Variants in TMEM74 observed in about 807,000 individuals in gnomAD.
TMEM74 encodes transmembrane protein 74.
Under a neutral mutation model 18.1 loss-of-function variants are expected in TMEM74, and 13 were observed. That is an observed-to-expected ratio of 0.72 (90% confidence interval 0.47 to 1.14). The LOEUF (loss-of-function observed/expected upper bound fraction) is 1.14, where lower values mean the gene tolerates loss of function less well. Among genes scored for constraint, TMEM74 ranks in the 50% most tolerant of loss-of-function variants. The probability of loss-of-function intolerance (pLI) is 0.00; values close to 1 mark genes in which losing one functional copy is unlikely to be tolerated. For missense variants in TMEM74, 372 were observed against 375.9 expected (o/e 0.99, Z 0.09); for synonymous variants, 159 against 146.6 (o/e 1.08, Z -0.61).
At chr8:108,690,954 A>C (rs986323736) in intron 1 of TMEM74, among the ~76,000 whole-genome samples, 2 of 152,224 alleles carry the variant, frequency 1.3e-5, no homozygotes, top group African/African-American at 4.8e-5. Flanking sequence ...AGTTAATGAG[A>C]GGATAGAGAA....
Position 108,645,415 on chromosome 8 carries a change from G to A in TMEM74, n.264+9878C>T, listed in dbSNP as rs77960038. On this transcript the variant is annotated intron_variant and non_coding_transcript_variant, in intron 2 of 3. Transcript: ENST00000518838. Reference sequence around the variant, plus strand: ...TTTGGATACTATGCTCAGTGCCTGGGTGATGGGATCAGTCACACCCTAAAC... The same window carrying A: ...TTTGGATACTATGCTCAGTGCCTGGATGATGGGATCAGTCACACCCTAAAC... Among the ~76,000 whole-genome samples the A allele has an allele frequency of 6.0e-3, 918 of 152,226 alleles. 7 individuals are homozygous for A. Among genetic ancestry groups the A allele is most frequent in the African/African-American group, 0.021 (867 of 41,548 alleles).
intron 1 of TMEM74, among the ~76,000 whole-genome samples, chr8:108,723,523 T>TCC (rs1813605796): frequency 6.6e-6 from 1 of 152,136 alleles, no homozygotes; most frequent in Non-Finnish European, 1.5e-5. Context: ...TTTGAGTCTT[T>TCC]CAAACCATAA....
chr8:108,663,034 AT>A (rs1348713450), intron 1 of TMEM74, among the ~76,000 whole-genome samples: 3 of 152,090 alleles, frequency 2.0e-5, no homozygotes, highest in African/African-American at 7.2e-5. Flanking sequence ...TTCCATATGA[AT>A]TTTAAAATAG....
chr8:108,718,984 G>GTA lies in TMEM74; in HGVS notation n.120-63549_120-63548dup, dbSNP rs1468556655. On this transcript the variant is annotated intron_variant and non_coding_transcript_variant, in intron 1 of 3. Coordinates refer to the TMEM74 transcript ENST00000518838. ...ATTTTGTGTGTGTATATATATATACGTATATATACGTATATATACACATAT... is the reference window on the plus strand; with the variant it reads ...ATTTTGTGTGTGTATATATATATACGTATATATATACGTATATATACACATAT... 7.9e-4 allele frequency among the ~76,000 whole-genome samples: 117 copies of GTA among 147,542 alleles called. 1 individual carries two copies. The highest frequency in any genetic ancestry group is 1.5e-3 in the Non-Finnish European group (99 of 66,838).
At chr8:108,611,074 G>C (rs1183125256) in intron 2 of TMEM74, among the ~76,000 whole-genome samples, 1 of 152,114 alleles carries the variant, frequency 6.6e-6, no homozygotes, top group African/African-American at 2.4e-5. Context: ...GAATCATTTA[G>C]TCTCTGAACA....
intron 2 of TMEM74, among the ~76,000 whole-genome samples, chr8:108,616,818 C>T (rs1453406499): frequency 1.3e-5 from 2 of 151,872 alleles, no homozygotes; most frequent in Non-Finnish European, 2.9e-5. Flanking sequence ...CTATTGTTGC[C>T]AACAGATGGT....
intron 2 of TMEM74, chr8:108,653,199 G>T (rs1812791168): frequency 1.3e-5 from 2 of 158,144 alleles, no homozygotes; most frequent in African/African-American, 4.8e-5. Flanking sequence ...CTCATTTAGG[G>T]ATGCTGGCCA....
chr8:108,721,134 A>T (rs1233194545), intron 1 of TMEM74, among the ~76,000 whole-genome samples: 2 of 152,228 alleles, frequency 1.3e-5, no homozygotes, highest in Non-Finnish European at 1.5e-5. Context: ...ATCAGCATTA[A>T]TTGAATGTCT....
chr8:108,760,248 T>TA (rs1324293866), intron 1 of TMEM74, among the ~76,000 whole-genome samples: 1 of 151,778 alleles, frequency 6.6e-6, no homozygotes, highest in Non-Finnish European at 1.5e-5. Context: ...ACAGACCATA[T>TA]AATAGGTCTG....
chr8:108,782,803 A>G lies in TMEM74; in HGVS notation c.*1378T>C, dbSNP rs1170894662. ...AATCATGGAAGTTACAACAACTCTT[A>G]GAGCACAGGTTGGAAAAACCTCCAG... On this transcript the variant is annotated 3_prime_UTR_variant, in exon 2 of 2. Transcript: ENST00000297459. Among the ~76,000 whole-genome samples, 1 of 152,206 alleles carries G rather than the reference A, an allele frequency of 6.6e-6. No individual in the cohort carries two copies. The highest frequency in any genetic ancestry group is 2.4e-5 in the African/African-American group (1 of 41,442).
At chr8:108,692,365 C>T (rs904258359) in intron 1 of TMEM74, among the ~76,000 whole-genome samples, 5 of 152,188 alleles carry the variant, frequency 3.3e-5, no homozygotes, top group African/African-American at 1.2e-4. Flanking sequence ...CTTCTTGAAA[C>T]CTGTCTTCTA....
chr8:108,609,637 G>GA (rs922535426), intron 2 of TMEM74, among the ~76,000 whole-genome samples: 3 of 151,438 alleles, frequency 2.0e-5, no homozygotes, highest in Non-Finnish European at 4.4e-5. Flanking sequence ...GACAGAGCAA[G>GA]AAAAAAAAAT....
At chr8:108,714,890 C>G (rs1222706592) in intron 1 of TMEM74, among the ~76,000 whole-genome samples, 1 of 152,212 alleles carries the variant, frequency 6.6e-6, no homozygotes, top group African/African-American at 2.4e-5. Flanking sequence ...GTGGATGGAG[C>G]TGGAGGCCAT....
At chr8:108,653,848 G>T (rs935677144) in intron 2 of TMEM74, among the ~76,000 whole-genome samples, 1 of 151,994 alleles carries the variant, frequency 6.6e-6, no homozygotes, top group Non-Finnish European at 1.5e-5. Context: ...GATTAGCTTT[G>T]GGATAGGTGG....
At chr8:108,706,776 GGT>G (rs3049749) in intron 1 of TMEM74, among the ~76,000 whole-genome samples, 1,873 of 144,878 alleles carry the variant, frequency 0.013, 13 homozygotes, top group African/African-American at 0.017. Context: ...AATTACAAGG[GGT>G]GTGTGTGTGT....
chr8:108,759,585 T>C (rs545572019), intron 1 of TMEM74, among the ~76,000 whole-genome samples: 1 of 152,190 alleles, frequency 6.6e-6, no homozygotes, highest in African/African-American at 2.4e-5. Flanking sequence ...AGATCCTTGA[T>C]ATAAACTGAG....
At chr8:108,664,711 G>C (rs796671409) in intron 1 of TMEM74, among the ~76,000 whole-genome samples, 1 of 151,964 alleles carries the variant, frequency 6.6e-6, no homozygotes, top group South Asian at 2.1e-4. Context: ...AGATTCAGTG[G>C]CCTACAGGTA....
chr8:108,644,637 A>C (rs981781344), intron 2 of TMEM74, among the ~76,000 whole-genome samples: 1 of 145,996 alleles, frequency 6.8e-6, no homozygotes, highest in Non-Finnish European at 1.5e-5. Context: ...TTTATAAAGA[A>C]CTTAAACAAA....
intron 1 of TMEM74, among the ~76,000 whole-genome samples, chr8:108,771,725 T>A (rs1200262237): frequency 6.6e-6 from 1 of 152,212 alleles, no homozygotes; most frequent in Admixed American, 6.5e-5. Flanking sequence ...TGTTGAGATA[T>A]GAGGTTTTTT....
Sources: allele counts gnomAD v4.1 joint callset (sites outside exome capture counted in the v4.1 genomes callset), GRCh38; gene constraint gnomAD v4.1.1; transcripts MANE v1.5; gene names NCBI Gene and HGNC (gene_info 2026-07-23, HGNC 2026-07-21).